ARL15: variants seen among roughly 807,000 people sequenced by gnomAD.
The protein encoded by ARL15 is ADP-ribosylation factor-like protein 15.
A neutral mutation model predicts 25.2 loss-of-function variants in ARL15; 19 were observed. The observed-to-expected ratio is 0.75, with a 90% CI of 0.53 to 1.10. The LOEUF is 1.10. Ranked by LOEUF, ARL15 falls within the 50% of genes least tolerant of loss-of-function variation. The pLI, the probability that ARL15 is intolerant of heterozygous loss-of-function variation, is 0.00. For synonymous variants in ARL15, 94 were observed against 86.8 expected (o/e 1.08, Z -0.46); for missense variants, 220 against 246.0 (o/e 0.89, Z 0.71).
rs776020187 is a variant in ARL15, at chr5:54,117,364, G to GAC, written c.254-3956_254-3955dup. ...TACATATGGTACCTGCAAATAGTGA[G>GAC]ACACATACACACACACACACACACA... is the stretch of plus-strand genomic sequence containing the variant. On this transcript the variant is annotated intron_variant, in intron 3 of 4. Transcript: ENST00000504924. Among the ~76,000 whole-genome samples the GAC allele has an allele frequency of 4.7e-3, 426 of 91,018 alleles. 1 individual carries two copies. Among genetic ancestry groups the GAC allele is most frequent in the South Asian group, 7.5e-3 (20 of 2,672 alleles). 59.7% of individuals were successfully genotyped at this position (91,018 alleles called of 152,430 possible).
chr5:54,268,816 C>A (rs1757699080), intron 1 of ARL15, among the ~76,000 whole-genome samples: 1 of 152,150 alleles, frequency 6.6e-6, no homozygotes, highest in African/African-American at 2.4e-5. Context: ...GACTTGGAAC[C>A]AACCCAAATG....
chr5:54,133,235 A>T (rs1437153336), intron 3 of ARL15, among the ~76,000 whole-genome samples: 1 of 152,238 alleles, frequency 6.6e-6, no homozygotes, highest in Non-Finnish European at 1.5e-5. Context: ...AGATCTGGGA[A>T]GTGCCTACCA....
Position 54,113,292 on chromosome 5 carries a change from G to A in ARL15, c.372C>T (p.His124=). 1 of 1,613,940 alleles carries A rather than the reference G, an allele frequency of 6.2e-7. No homozygotes were observed. Among genetic ancestry groups the A allele is most frequent in the Non-Finnish European group, 8.5e-7 (1 of 1,179,848 alleles). The change falls in exon 4 of 5, where the codon CAC becomes CAT. Residue 124 remains histidine, a synonymous_variant. Coordinates refer to ENST00000504924, the MANE Select transcript of ARL15 (RefSeq NM_019087.3). ...DDLEAARNEL[H]SALQHPQLCT... ...ATAACTGTGGATGCTGAAGAGCTGA[G>A]TGCAGCTCATTTCTAGCAGCTTCTA... is the stretch of plus-strand genomic sequence containing the variant.
intron 1 of ARL15, among the ~76,000 whole-genome samples, chr5:54,255,498 T>C (rs568278697): frequency 1.3e-5 from 2 of 152,338 alleles, no homozygotes; most frequent in South Asian, 4.1e-4. Context: ...CTTTAAATTA[T>C]AACATCTAGA....
At chr5:53,937,357 T>C (rs910048115) in intron 4 of ARL15, among the ~76,000 whole-genome samples, 2 of 152,120 alleles carry the variant, frequency 1.3e-5, no homozygotes, top group Non-Finnish European at 2.9e-5. Flanking sequence ...TTGGTTTTCA[T>C]CACATTTACA....
chr5:53,888,234 TTTG>T (rs1452174955), intron 4 of ARL15, among the ~76,000 whole-genome samples: 6 of 151,760 alleles, frequency 4.0e-5, no homozygotes, highest in African/African-American at 4.8e-5. Flanking sequence ...AAGAGGATTC[TTTG>T]TTGTTGTTGT....
chr5:53,934,640 C>T (rs571869280), intron 4 of ARL15, among the ~76,000 whole-genome samples: 161 of 152,206 alleles, frequency 1.1e-3, no homozygotes, highest in African/African-American at 3.4e-3. Context: ...TAGAATAATG[C>T]GGTAGTCAAA....
intron 4 of ARL15, among the ~76,000 whole-genome samples, chr5:53,929,679 A>G (rs928339155): frequency 1.1e-4 from 16 of 152,210 alleles, no homozygotes; most frequent in African/African-American, 3.9e-4. Flanking sequence ...AGTGTTGAGG[A>G]GCTTGGTCAT....
intron 1 of ARL15, among the ~76,000 whole-genome samples, chr5:54,225,258 C>T (rs913552207): frequency 9.9e-5 from 15 of 151,968 alleles, no homozygotes; most frequent in Non-Finnish European, 1.9e-4. Flanking sequence ...TCAGAGGGAC[C>T]GCAGCAGAAA....
At chr5:53,957,586 A>G (rs754112025) in intron 4 of ARL15, among the ~76,000 whole-genome samples, 1 of 152,170 alleles carries the variant, frequency 6.6e-6, no homozygotes, top group Non-Finnish European at 1.5e-5. Context: ...CTATAATCCC[A>G]GCACTTTGGG....
intron 2 of ARL15, among the ~76,000 whole-genome samples, chr5:54,170,248 C>T (rs564831656): frequency 1.3e-5 from 2 of 152,238 alleles, no homozygotes; most frequent in African/African-American, 4.8e-5. Context: ...TCCTCTTCTT[C>T]CCCCTGTAAC....
intron 4 of ARL15, among the ~76,000 whole-genome samples, chr5:53,954,095 T>TAAAAAAAAA (rs11325411): frequency 7.1e-6 from 1 of 141,242 alleles, no homozygotes; most frequent in Non-Finnish European, 1.5e-5. Flanking sequence ...ATCTTCTACT[T>TAAAAAAAAA]AAAAAAAAAA....
intron 4 of ARL15, among the ~76,000 whole-genome samples, chr5:54,032,358 C>T (rs887864915): frequency 3.9e-5 from 6 of 151,956 alleles, no homozygotes; most frequent in South Asian, 2.1e-4. Flanking sequence ...CTTAACCTCC[C>T]GAGTAGCTGG....
rs1330971961 is a variant in ARL15, at chr5:53,901,154, T to C, written c.463-14441A>G. 2.0e-5 allele frequency among the ~76,000 whole-genome samples: 3 copies of C among 152,194 alleles called. No individual in the cohort carries two copies. In the East Asian group the frequency reaches 5.8e-4, roughly 29 times the overall value. ...GAGCACATCATGTTCTCTTCCTTTT[T>C]CTCCTCTCCTCCTTTCCTTCCTTTC... On this transcript the variant is annotated intron_variant, in intron 4 of 4. Transcript: ENST00000504924.
At chr5:53,983,152 C>T (rs1694062) in intron 4 of ARL15, among the ~76,000 whole-genome samples, 46,704 of 151,890 alleles carry the variant, frequency 0.31, 8,094 homozygotes, top group Middle Eastern at 0.44. Flanking sequence ...TAATAAACAG[C>T]GGTCAGTTTT....
chr5:54,265,017 A>C (rs1422606572), intron 1 of ARL15, among the ~76,000 whole-genome samples: 2 of 152,208 alleles, frequency 1.3e-5, no homozygotes, highest in Non-Finnish European at 2.9e-5. Flanking sequence ...ACCATGCCAT[A>C]GTTAAATGTT....
chr5:53,895,000 G>A (rs1026699592), intron 4 of ARL15, among the ~76,000 whole-genome samples: 3 of 152,080 alleles, frequency 2.0e-5, no homozygotes, highest in Non-Finnish European at 2.9e-5. Context: ...TATTATCTAT[G>A]GCTGCTTTCA....
chr5:54,307,378 A>T (rs1244546764), intron 1 of ARL15, among the ~76,000 whole-genome samples: 3 of 152,196 alleles, frequency 2.0e-5, no homozygotes, highest in Non-Finnish European at 4.4e-5. Context: ...CTGATTCAAC[A>T]AATAAAATAT....
chr5:54,162,137 C>T (rs1200052322), intron 2 of ARL15, among the ~76,000 whole-genome samples: 3 of 152,070 alleles, frequency 2.0e-5, no homozygotes, highest in Non-Finnish European at 4.4e-5. Flanking sequence ...AGTTGTGGAT[C>T]CCCGATAACT....
Sources: allele counts gnomAD v4.1 joint callset (sites outside exome capture counted in the v4.1 genomes callset), GRCh38; gene constraint gnomAD v4.1.1; transcripts MANE v1.5; gene names NCBI Gene and HGNC (gene_info 2026-07-23, HGNC 2026-07-21).